The following KDM4C variants were observed in gnomAD, a reference collection of about 807,000 sequenced individuals.
KDM4C encodes lysine demethylase 4C.
Under a neutral mutation model 129.3 loss-of-function variants are expected in KDM4C, and 81 were observed. That is an observed-to-expected ratio of 0.63 (90% confidence interval 0.52 to 0.75). The LOEUF (loss-of-function observed/expected upper bound fraction) is 0.75. Among genes scored for constraint, KDM4C ranks in the 30% least tolerant of loss-of-function variants. The pLI is 0.00. For missense variants in KDM4C, 1,457 were observed against 1,304.0 expected (o/e 1.12, Z -1.81); for synonymous variants, 573 against 456.1 (o/e 1.26, Z -3.26).
At chr9:6,803,649 T>G (rs1588382096) in intron 2 of KDM4C, among the ~76,000 whole-genome samples, 2 of 151,584 alleles carry the variant, frequency 1.3e-5, no homozygotes, top group East Asian at 3.9e-4. Flanking sequence ...CAGTGACTAT[T>G]GCCTGTAATT....
chr9:7,118,109 C>T (rs1296675331), intron 18 of KDM4C, among the ~76,000 whole-genome samples: 1 of 152,178 alleles, frequency 6.6e-6, no homozygotes, highest in East Asian at 1.9e-4. Context: ...GCTCATGATT[C>T]AGATGGAAAA....
chr9:7,046,071 A>T (rs551202847), intron 15 of KDM4C, among the ~76,000 whole-genome samples: 1 of 152,196 alleles, frequency 6.6e-6, no homozygotes, highest in Admixed American at 6.6e-5. Flanking sequence ...GAAACAATTT[A>T]GGTCAAGAGA....
chr9:6,980,260 A>G (rs559899475), intron 8 of KDM4C, among the ~76,000 whole-genome samples: 35 of 152,328 alleles, frequency 2.3e-4, no homozygotes, highest in African/African-American at 7.5e-4. Context: ...ACTGATAACT[A>G]TGTATTCATG....
chr9:6,966,339 C>T (rs930761403), intron 8 of KDM4C, among the ~76,000 whole-genome samples: 6 of 152,316 alleles, frequency 3.9e-5, no homozygotes, highest in African/African-American at 7.2e-5. Flanking sequence ...CCCGCCACTG[C>T]GCCCAGCTAA....
chr9:6,952,741 C>G (rs1410360912), intron 8 of KDM4C, among the ~76,000 whole-genome samples: 1 of 151,898 alleles, frequency 6.6e-6, no homozygotes, highest in Non-Finnish European at 1.5e-5. Flanking sequence ...GTGCCCGGCC[C>G]CAGAGTATGT....
intron 4 of KDM4C, among the ~76,000 whole-genome samples, chr9:6,845,510 T>G (rs1438966394): frequency 6.6e-6 from 1 of 152,208 alleles, no homozygotes; most frequent in African/African-American, 2.4e-5. Context: ...CCACTGTGCC[T>G]GGCCTACGAG....
intron 8 of KDM4C, among the ~76,000 whole-genome samples, chr9:6,930,243 A>G (rs1223005608): frequency 6.6e-6 from 1 of 152,124 alleles, no homozygotes; most frequent in Non-Finnish European, 1.5e-5. Flanking sequence ...GGTTTTTTGG[A>G]TATGTATGTT....
intron 2 of KDM4C, among the ~76,000 whole-genome samples, chr9:6,796,292 A>C (rs1459029227): frequency 6.6e-6 from 1 of 152,068 alleles, no homozygotes; most frequent in African/African-American, 2.4e-5. Flanking sequence ...CAAAAATACA[A>C]ATTTTAGCCG....
At chr9:6,835,163 A>C in intron 4 of KDM4C, 1 of 951,918 alleles carries the variant, frequency 1.1e-6, no homozygotes, top group Non-Finnish European at 1.7e-6. Context: ...TCCCTGGAGA[A>C]GAGCTATGAG....
chr9:7,037,490 A>T (rs1015095190), intron 15 of KDM4C, among the ~76,000 whole-genome samples: 1 of 151,944 alleles, frequency 6.6e-6, no homozygotes, highest in Non-Finnish European at 1.5e-5. Context: ...GATTATAAAT[A>T]CTCTTTTCCA....
At position 6,888,992 on chromosome 9, in the gene KDM4C, T is replaced by G. The variant is rs1016061444; in HGVS notation, c.783+929T>G. On this transcript the variant is annotated intron_variant, in intron 7 of 21. Transcript: ENST00000381309. The stretch of plus-strand genomic sequence containing the variant: ...TTTAGTAGAGACGGGGTTTCACCGT[T>G]TTAGCCGGGATGGCCTCGATCTCCC... Among the ~76,000 whole-genome samples, 41 of 38,560 alleles carry G rather than the reference T, an allele frequency of 1.1e-3. 13 individuals carry two copies. The highest frequency in any genetic ancestry group is 1.9e-3 in the Non-Finnish European group (37 of 19,188). 25.3% of individuals were successfully genotyped at this position (38,560 alleles called of 152,430 possible).
chr9:6,721,874 C>T (rs988602585), intron 1 of KDM4C, among the ~76,000 whole-genome samples: 18 of 152,104 alleles, frequency 1.2e-4, no homozygotes, highest in African/African-American at 4.1e-4. Context: ...AGGCTTGAGC[C>T]ACCGCGCCTG....
At chr9:7,109,054 T>C (rs1208752759) in intron 18 of KDM4C, among the ~76,000 whole-genome samples, 1 of 152,178 alleles carries the variant, frequency 6.6e-6, no homozygotes, top group East Asian at 1.9e-4. Context: ...GGATGCAGAA[T>C]TGTAGTAGAA....
chr9:6,853,897 G>T (rs1444507144), intron 5 of KDM4C, among the ~76,000 whole-genome samples: 3 of 152,078 alleles, frequency 2.0e-5, no homozygotes, highest in Non-Finnish European at 2.9e-5. Context: ...GCCAAATGGA[G>T]GCATGATTTA....
chr9:6,907,871 A>G (rs1424278234), intron 8 of KDM4C, among the ~76,000 whole-genome samples: 1 of 152,242 alleles, frequency 6.6e-6, no homozygotes, highest in Non-Finnish European at 1.5e-5. Flanking sequence ...AAAAGTCACT[A>G]TTAGACTGTA....
chr9:7,103,688 T>A lies in KDM4C; in HGVS notation c.2428T>A (p.Cys810Ser), dbSNP rs201478535. The A allele has an allele frequency of 2.5e-6, 4 of 1,602,952 alleles. No individual in the cohort carries two copies. The highest frequency in any genetic ancestry group is 3.4e-6 in the Non-Finnish European group (4 of 1,173,286). ...CTTCTCTGTTTTAACCTTCCAGAAA[T>A]GCATCTTCTGCAGACACCGGGTTAA... ...RIPLQRLKLK[C>S]IFCRHRVKRV... The change falls in exon 18 of 22, where the codon TGC (cysteine) becomes AGC (serine). Residue 810 changes from cysteine to serine, a missense_variant. By Grantham distance (112) the Cys-to-Ser change is moderately radical. Coordinates refer to ENST00000381309, the MANE Select transcript of KDM4C (RefSeq NM_015061.6).
At chr9:6,738,579 G>C (rs1817598049) in intron 1 of KDM4C, among the ~76,000 whole-genome samples, 2 of 152,092 alleles carry the variant, frequency 1.3e-5, no homozygotes, top group Admixed American at 1.3e-4. Flanking sequence ...GGGACCACAG[G>C]TGGGCACCAC....
chr9:6,983,474 T>G (rs1344759027), intron 9 of KDM4C, among the ~76,000 whole-genome samples: 1 of 152,064 alleles, frequency 6.6e-6, no homozygotes, highest in Non-Finnish European at 1.5e-5. Context: ...TGGTGGCTCA[T>G]GCCTGTTATC....
chr9:6,865,885 G>T (rs1040413291), intron 5 of KDM4C, among the ~76,000 whole-genome samples: 17 of 152,034 alleles, frequency 1.1e-4, no homozygotes, highest in Non-Finnish European at 2.2e-4. Context: ...CGAGTAGCTG[G>T]GACTACAGGC....
Sources: allele counts gnomAD v4.1 joint callset (sites outside exome capture counted in the v4.1 genomes callset), GRCh38; gene constraint gnomAD v4.1.1; transcripts MANE v1.5; gene names NCBI Gene and HGNC (gene_info 2026-07-23, HGNC 2026-07-21).